Variants in ST6GALNAC3 observed in about 807,000 individuals in gnomAD.
ST6GALNAC3 encodes ST6 N-acetylgalactosaminide alpha-2,6-sialyltransferase 3.
A neutral mutation model predicts 32.7 loss-of-function variants in ST6GALNAC3; 25 were observed. That is an observed-to-expected ratio of 0.76 (90% CI 0.56 to 1.07). The LOEUF (loss-of-function observed/expected upper bound fraction) is 1.07, where lower values mean the gene tolerates loss of function less well. Among genes scored for constraint, ST6GALNAC3 ranks in the 50% least tolerant of loss-of-function variants. The probability of loss-of-function intolerance (pLI) is 0.00; values close to 1 mark genes in which losing one functional copy is unlikely to be tolerated. For missense variants in ST6GALNAC3, 355 were observed against 382.4 expected, an observed-to-expected ratio of 0.93 and a Z score of 0.60; for synonymous variants, 129 against 133.1, an observed-to-expected ratio of 0.97 and a Z score of 0.21.
intron 2 of ST6GALNAC3, among the ~76,000 whole-genome samples, chr1:76,330,516 C>A (rs1291747947): frequency 6.6e-6 from 1 of 152,216 alleles, no homozygotes; most frequent in Non-Finnish European, 1.5e-5. Flanking sequence ...TCTTCCTGTG[C>A]TAGCTATATA....
intron 3 of ST6GALNAC3, among the ~76,000 whole-genome samples, chr1:76,608,129 C>A (rs1570435099): frequency 6.6e-6 from 1 of 152,156 alleles, no homozygotes; most frequent in African/African-American, 2.4e-5. Context: ...AAGTGCTTCC[C>A]AAGCCAATGA....
At chr1:76,116,430 C>A (rs1648482127) in intron 1 of ST6GALNAC3, among the ~76,000 whole-genome samples, 2 of 152,120 alleles carry the variant, frequency 1.3e-5, no homozygotes, top group South Asian at 2.1e-4. Flanking sequence ...TTCTCCATTT[C>A]TGTAGCTCCA....
intron 3 of ST6GALNAC3, among the ~76,000 whole-genome samples, chr1:76,448,743 T>C (rs1308996866): frequency 6.6e-6 from 1 of 152,188 alleles, no homozygotes; most frequent in East Asian, 1.9e-4. Flanking sequence ...TAAGACTTGC[T>C]TCTCCTTGCC....
At position 76,157,027 on chromosome 1, in the gene ST6GALNAC3, A is replaced by G. The variant is rs530022410; in HGVS notation, c.18+82143A>G. Among the ~76,000 whole-genome samples the G allele has an allele frequency of 4.6e-5, 7 of 152,250 alleles. 1 individual carries two copies. Among genetic ancestry groups the G allele is most frequent in the South Asian group, 2.1e-4 (1 of 4,816 alleles). On this transcript the variant is annotated intron_variant, in intron 1 of 4. Transcript: ENST00000328299. ...ATTACAGGTGTAAGCCACGGCGCCC[A>G]GCCAGCCCTGGCTCCTTTTATTGGA... is the stretch of plus-strand genomic sequence containing the variant.
chr1:76,259,307 G>A (rs541901836), intron 1 of ST6GALNAC3, among the ~76,000 whole-genome samples: 1 of 152,190 alleles, frequency 6.6e-6, no homozygotes, highest in Admixed American at 6.5e-5. Context: ...GAGATAAATG[G>A]GTGTCAATAG....
chr1:76,488,314 G>A (rs996223928), intron 3 of ST6GALNAC3, among the ~76,000 whole-genome samples: 2 of 143,912 alleles, frequency 1.4e-5, no homozygotes, highest in Non-Finnish European at 3.0e-5. Context: ...GTCATGTGAT[G>A]TGCCGGCTAC....
chr1:76,355,130 C>T (rs538362972), intron 2 of ST6GALNAC3, among the ~76,000 whole-genome samples: 1 of 152,194 alleles, frequency 6.6e-6, no homozygotes, highest in South Asian at 2.1e-4. Context: ...AAAAAATTCA[C>T]TCCCTCACAA....
intron 1 of ST6GALNAC3, among the ~76,000 whole-genome samples, chr1:76,112,376 C>T (rs1301377645): frequency 7.0e-6 from 1 of 142,728 alleles, no homozygotes; most frequent in Non-Finnish European, 1.5e-5. Context: ...GGGGGCTGAC[C>T]CCCCCACCTC....
intron 1 of ST6GALNAC3, among the ~76,000 whole-genome samples, chr1:76,075,096 TCG>T (rs1251280642): frequency 1.3e-5 from 2 of 152,250 alleles, no homozygotes; most frequent in African/African-American, 4.8e-5. Flanking sequence ...TGCCTCCTGC[TCG>T]CGCCTGCATT....
chr1:76,611,094 T>TA (rs1414935412), intron 3 of ST6GALNAC3, among the ~76,000 whole-genome samples: 2 of 151,666 alleles, frequency 1.3e-5, no homozygotes, highest in South Asian at 4.2e-4. Context: ...CACACACACA[T>TA]ATATCCTTAG....
In ST6GALNAC3 at chr1:76,220,985, G is replaced by A. The variant is rs2631789; in HGVS notation, c.19-92820G>A. 8.4e-3 allele frequency among the ~76,000 whole-genome samples: 1,281 copies of A among 152,222 alleles called. 22 individuals carry two copies. Among genetic ancestry groups the A allele is most frequent in the African/African-American group, 0.029 (1,223 of 41,538 alleles). On this transcript the variant is annotated intron_variant, in intron 1 of 4. Transcript: ENST00000328299. ...TCCTGCCCTGTTGAGACACAAGCCC[G>A]TTAAGCAGTTTATTTTCACCCCATG...
At chr1:76,355,637 G>A (rs187919943) in intron 2 of ST6GALNAC3, among the ~76,000 whole-genome samples, 13 of 152,216 alleles carry the variant, frequency 8.5e-5, no homozygotes, top group Non-Finnish European at 1.9e-4. Flanking sequence ...GAAACTTTAG[G>A]TATCTATCAC....
chr1:76,503,073 G>T (rs1661271793), intron 3 of ST6GALNAC3, among the ~76,000 whole-genome samples: 1 of 152,184 alleles, frequency 6.6e-6, no homozygotes, highest in Non-Finnish European at 1.5e-5. Context: ...GAACTTACAA[G>T]TTGGGTGCTT....
At chr1:76,472,385 A>G (rs1659087617) in intron 3 of ST6GALNAC3, among the ~76,000 whole-genome samples, 5 of 152,058 alleles carry the variant, frequency 3.3e-5, no homozygotes, top group Admixed American at 3.3e-4. Context: ...ATGAATGCCA[A>G]TAGCTGTCAA....
At chr1:76,525,789 G>GTATATATATATATATA (rs1475642074) in intron 3 of ST6GALNAC3, among the ~76,000 whole-genome samples, 1 of 58,916 alleles carries the variant, frequency 1.7e-5, no homozygotes, top group Non-Finnish European at 3.8e-5. Flanking sequence ...GTGTGTGTGT[G>GTATATATATATATATA]TGTATATATA....
chr1:76,452,628 C>T (rs969569989), intron 3 of ST6GALNAC3, among the ~76,000 whole-genome samples: 1 of 152,128 alleles, frequency 6.6e-6, no homozygotes, highest in Admixed American at 6.6e-5. Flanking sequence ...GGTATGGAAC[C>T]CACTTGATCA....
chr1:76,366,467 A>C (rs1332953415), intron 2 of ST6GALNAC3, among the ~76,000 whole-genome samples: 1 of 152,210 alleles, frequency 6.6e-6, no homozygotes, highest in Non-Finnish European at 1.5e-5. Context: ...GAATAACAAG[A>C]ATAAGAATAA....
intron 1 of ST6GALNAC3, among the ~76,000 whole-genome samples, chr1:76,112,674 A>G (rs1177737339): frequency 1.9e-4 from 28 of 146,486 alleles, no homozygotes; most frequent in Non-Finnish European, 3.0e-4. Flanking sequence ...GGCGGTTGCC[A>G]GGCAGAGGGT....
intron 2 of ST6GALNAC3, among the ~76,000 whole-genome samples, chr1:76,326,660 T>C (rs1647076425): frequency 6.6e-6 from 1 of 152,074 alleles, no homozygotes; most frequent in African/African-American, 2.4e-5. Context: ...AAATGTTTGC[T>C]AAACTGTTAT....
Sources: gnomAD v4.1 joint callset for allele counts (sites outside exome capture counted in the v4.1 genomes callset) on GRCh38, gnomAD v4.1.1 for gene constraint, MANE v1.5 for transcripts, NCBI Gene and HGNC (gene_info 2026-07-23, HGNC 2026-07-21) for gene names.